Variants in VTI1B observed in about 807,000 individuals in gnomAD.
VTI1B encodes vesicle transport through interaction with t-SNAREs homolog 1B.
A neutral mutation model predicts 28.6 loss-of-function variants in VTI1B; 18 were observed. The ratio of observed to expected loss-of-function variants is 0.63; its 90% confidence interval spans 0.43 to 0.93. The LOEUF (loss-of-function observed/expected upper bound fraction) is 0.93, where lower values mean the gene tolerates loss of function less well. Among genes scored for constraint, VTI1B ranks in the 40% least tolerant of loss-of-function variants. The pLI, the probability that VTI1B is intolerant of heterozygous loss-of-function variation, is 0.00. For missense variants in VTI1B, 283 were observed against 297.0 expected (o/e 0.95, Z 0.35); for synonymous variants, 100 against 107.9 (o/e 0.93, Z 0.46).
In VTI1B at chr14:67,674,605, GC is replaced by G; in HGVS notation, c.-117del. The G allele has an allele frequency of 1.3e-6, 1 of 785,060 alleles. No homozygotes were observed. Among genetic ancestry groups the G allele is most frequent in the Non-Finnish European group, 1.9e-6 (1 of 540,268 alleles). 48.6% of individuals were successfully genotyped at this position (785,060 alleles called of 1,614,324 possible). On this transcript the variant is annotated 5_prime_UTR_variant, in exon 1 of 6. Coordinates refer to ENST00000554659, the MANE Select transcript of VTI1B (RefSeq NM_006370.3). Reference sequence around the variant, plus strand: ...TAACGGCGACCGCCGCACCACCGCCGCCCAGGACGAGGCTCTTCCGGAGCCG... The same window carrying G: ...TAACGGCGACCGCCGCACCACCGCCGCCAGGACGAGGCTCTTCCGGAGCCG...
At chr14:67,663,409 C>A (rs2037363216) in intron 1 of VTI1B, among the ~76,000 whole-genome samples, 1 of 152,104 alleles carries the variant, frequency 6.6e-6, no homozygotes, top group Non-Finnish European at 1.5e-5. Flanking sequence ...CACGGTGACT[C>A]ACGCCTGTAA....
rs2037510718 is a variant in VTI1B at position 67,674,556 on chromosome 14, G to A, written c.-67C>T. 4 of 1,417,370 alleles carry A rather than the reference G, an allele frequency of 2.8e-6. No individual in the cohort carries two copies. Among genetic ancestry groups the A allele is most frequent in the Admixed American group, 2.6e-5 (1 of 39,050 alleles). The allele number at this position is 1,417,370 out of a possible 1,614,324, so 87.8% of individuals were successfully genotyped here. ...CCCTGGGCCCTTTCCTAGCCCGGCGGTCAGCCGCCCAGCCCAGTGGCCATA... is the reference window on the plus strand; with the variant it reads ...CCCTGGGCCCTTTCCTAGCCCGGCGATCAGCCGCCCAGCCCAGTGGCCATA... On this transcript the variant is annotated 5_prime_UTR_variant, in exon 1 of 6. Transcript: ENST00000554659.
intron 1 of VTI1B, among the ~76,000 whole-genome samples, chr14:67,674,159 G>A (rs2140041435): frequency 6.6e-6 from 1 of 152,234 alleles, no homozygotes; most frequent in East Asian, 1.9e-4. Context: ...AAATGTGGAA[G>A]GCCATAGAAG....
At chr14:67,664,498 A>ATTTTTT (rs11444640) in intron 1 of VTI1B, among the ~76,000 whole-genome samples, 1 of 147,072 alleles carries the variant, frequency 6.8e-6, no homozygotes. Context: ...CTAAAGAGCA[A>ATTTTTT]TTTTTTTTTT....
chr14:67,653,185 G>A (rs1372940626), intron 5 of VTI1B, among the ~76,000 whole-genome samples: 1 of 152,130 alleles, frequency 6.6e-6, no homozygotes, highest in Non-Finnish European at 1.5e-5. Flanking sequence ...TCCTTTCAGT[G>A]GAGAAATTTT....
intron 1 of VTI1B, among the ~76,000 whole-genome samples, chr14:67,672,570 G>A (rs992554664): frequency 1.3e-5 from 2 of 151,134 alleles, no homozygotes; most frequent in African/African-American, 4.9e-5. Flanking sequence ...AGCCTCCTGA[G>A]TAGCTGGGAC....
Position 67,650,892 on chromosome 14 carries a change from C to G in VTI1B, c.*493G>C. The G allele has an allele frequency of 1.2e-6, 2 of 1,614,048 alleles. No homozygotes were observed. Among genetic ancestry groups the G allele is most frequent in the Non-Finnish European group, 1.7e-6 (2 of 1,179,952 alleles). On this transcript the variant is annotated 3_prime_UTR_variant, in exon 6 of 6. Transcript: ENST00000554659. The stretch of plus-strand genomic sequence containing the variant: ...CCTACTCCCAGTTCACCAGATGAAT[C>G]AGAAAATCAAGCACGTGTGAGAATT...
intron 1 of VTI1B, among the ~76,000 whole-genome samples, chr14:67,664,509 T>TC (rs2037377082): frequency 6.6e-6 from 1 of 151,354 alleles, no homozygotes; most frequent in African/African-American, 2.4e-5. Context: ...TTTTTTTTTT[T>TC]TTCTTGAGAC....
At position 67,674,411 on chromosome 14, in the gene VTI1B, C is replaced by T. The variant is rs1285153789; in HGVS notation, c.79G>A (p.Gly27Arg). 1 of 1,607,356 alleles carries T rather than the reference C, an allele frequency of 6.2e-7. No homozygotes were observed. Among genetic ancestry groups the T allele is most frequent in the Non-Finnish European group, 8.5e-7 (1 of 1,178,136 alleles). The stretch of plus-strand genomic sequence containing the variant: ...GTCCCCAGCAGCCGCTCGGGCACCC[C>T]TTGTAGGTCTTCATGGAGGCCGCGG... ...IFRGLHEDLQ[G>R]VPERLLGTAG... The change falls in exon 1 of 6, where the codon GGG becomes AGG. Residue 27 changes from glycine (G) to arginine (R), a missense_variant. By Grantham distance (125) the Gly-to-Arg change is moderately radical. Transcript: ENST00000554659.
intron 4 of VTI1B, 73 bp downstream of exon 4, chr14:67,656,343 T>C (rs757790390): frequency 7.1e-7 from 1 of 1,409,692 alleles, no homozygotes; most frequent in Non-Finnish European, 9.4e-7. Flanking sequence ...CTTTTGGCCT[T>C]AGTACGGTTT....
At chr14:67,667,802 G>A (rs1415352003) in intron 1 of VTI1B, among the ~76,000 whole-genome samples, 2 of 152,072 alleles carry the variant, frequency 1.3e-5, no homozygotes, top group Non-Finnish European at 1.5e-5. Context: ...AACTTAGCCC[G>A]GCGTGGTGGT....
chr14:67,653,904 T>C (rs1594833982), intron 4 of VTI1B, among the ~76,000 whole-genome samples: 1 of 152,228 alleles, frequency 6.6e-6, no homozygotes. Context: ...GCTGGTCTGT[T>C]ACTGCTTTTG....
At chr14:67,662,567 T>C (rs1408483121) in intron 1 of VTI1B, 32 bp from the exon 2 acceptor site, 3 of 1,575,894 alleles carry the variant, frequency 1.9e-6, no homozygotes, top group Middle Eastern at 1.7e-4. Context: ...CAAATGCTTA[T>C]TACTGTTTCC....
Position 67,650,676 on chromosome 14 carries a change from C to T in VTI1B, c.*709G>A. ...GGATGACCCTCACTGAGAGTAGCAG[C>T]AAGGGAACCTGAGGTTTTGTCACAC... On this transcript the variant is annotated 3_prime_UTR_variant, in exon 6 of 6. Coordinates refer to ENST00000554659, the MANE Select transcript of VTI1B (RefSeq NM_006370.3). The T allele has an allele frequency of 6.3e-7, 1 of 1,586,704 alleles. No individual in the cohort carries two copies. The highest frequency in any genetic ancestry group is 2.2e-5 in the East Asian group (1 of 44,756).
intron 2 of VTI1B, 114 bp from the exon 3 acceptor site, chr14:67,660,036 T>C: frequency 9.2e-7 from 1 of 1,082,524 alleles, no homozygotes; most frequent in African/African-American, 1.6e-5. Flanking sequence ...ACCAAGTAAA[T>C]AACCATATGC....
chr14:67,653,441 T>C lies in VTI1B; in HGVS notation c.598A>G (p.Arg200Gly), dbSNP rs1406583496. The C allele has an allele frequency of 6.2e-7, 1 of 1,613,750 alleles. No individual in the cohort carries two copies. The highest frequency in any genetic ancestry group is 1.3e-5 in the African/African-American group (1 of 74,924). Residue 200 changes from arginine (R) to glycine (G), a missense_variant, in exon 5 of 6, where the codon AGA becomes GGA. Transcript: ENST00000554659. ...KSRKILRSMS[R>G]KVTTNKLLLS... The stretch of plus-strand genomic sequence containing the variant: ...CATGACTTTAATAAAACTTACTTTC[T>C]GGACATTGAACGGAGAATCTTCCGA...
chr14:67,662,423 T>C lies in VTI1B; in HGVS notation c.174+54A>G, dbSNP rs116974285. 9.1e-4 allele frequency: 1,324 copies of C among 1,448,526 alleles called. 42 individuals carry two copies. In the East Asian group the frequency reaches 0.03, roughly 33 times the overall value. 89.7% of individuals were successfully genotyped at this position (1,448,526 alleles called of 1,614,324 possible). A position where few individuals can be genotyped will look rare whatever the true frequency, so the allele number is the denominator to read the frequency against. On this transcript the variant is annotated intron_variant, in intron 2 of 5. Coordinates refer to ENST00000554659, the MANE Select transcript of VTI1B (RefSeq NM_006370.3). ...TTTGTGATCAGCTCATAGCATTACT[T>C]CTGGAAAAGACCAACACCAGGTAGA... is the stretch of plus-strand genomic sequence containing the variant.
intron 1 of VTI1B, among the ~76,000 whole-genome samples, chr14:67,663,412 G>A (rs111508463): frequency 1.3e-5 from 2 of 152,084 alleles, no homozygotes; most frequent in African/African-American, 4.8e-5. Context: ...GGTGACTCAC[G>A]CCTGTAATCC....
Position 67,656,699 on chromosome 14 carries a change from T to C in VTI1B, c.367-110A>G. 3 of 1,225,514 alleles carry C rather than the reference T, an allele frequency of 2.4e-6. No individual in the cohort carries two copies. In the South Asian group the frequency reaches 5.9e-5, roughly 24 times the overall value. 75.9% of individuals were successfully genotyped at this position (1,225,514 alleles called of 1,614,324 possible). On this transcript the variant is annotated intron_variant, in intron 3 of 5. Transcript: ENST00000554659. ...AGAAGGGATATAGTGAGCAATAATTTTCATTCCTTTTAAGACAGAACCAAA... is the reference window on the plus strand; with the variant it reads ...AGAAGGGATATAGTGAGCAATAATTCTCATTCCTTTTAAGACAGAACCAAA...
Sources: allele counts gnomAD v4.1 joint callset (sites outside exome capture counted in the v4.1 genomes callset), GRCh38; gene constraint gnomAD v4.1.1; transcripts MANE v1.5; gene names NCBI Gene and HGNC (gene_info 2026-07-23, HGNC 2026-07-21).